The following IFT80 variants were observed in gnomAD, a reference collection of about 807,000 sequenced individuals.
The protein encoded by IFT80 is intraflagellar transport protein 80 homolog.
IFT80 carries 79 observed loss-of-function variants against 107.9 expected under a neutral mutation model. That is an observed-to-expected ratio of 0.73 (90% CI 0.61 to 0.88). The LOEUF is 0.88. Ranked by LOEUF, IFT80 falls within the 40% of genes least tolerant of loss-of-function variation. The probability of loss-of-function intolerance (pLI) is 0.00; values close to 1 mark genes in which losing one functional copy is unlikely to be tolerated. For missense variants in IFT80, 797 were observed against 914.2 expected, an observed-to-expected ratio of 0.87 and a Z score of 1.65; for synonymous variants, 299 against 300.9, an observed-to-expected ratio of 0.99 and a Z score of 0.07.
At chr3:160,295,150 C>A (rs1381785801) in intron 12 of IFT80, among the ~76,000 whole-genome samples, 1 of 152,094 alleles carries the variant, frequency 6.6e-6, no homozygotes, top group Non-Finnish European at 1.5e-5. Flanking sequence ...CAAGGAAATG[C>A]AAATCAAACC....
At chr3:160,268,739 C>G in intron 18 of IFT80, 1 of 549,340 alleles carries the variant, frequency 1.8e-6, no homozygotes, top group Non-Finnish European at 3.2e-6. Context: ...TTCTCCCTGA[C>G]CAGCTCTTCT....
chr3:160,352,273 C>T (rs760302143), intron 8 of IFT80, among the ~76,000 whole-genome samples: 1 of 152,128 alleles, frequency 6.6e-6, no homozygotes, highest in African/African-American at 2.4e-5. Flanking sequence ...GGATTACAGG[C>T]GTGAGCCACC....
At chr3:160,376,903 GCCGCCGCAT>G (rs1163380885) in intron 4 of IFT80, among the ~76,000 whole-genome samples, 8 of 152,158 alleles carry the variant, frequency 5.3e-5, no homozygotes, top group Non-Finnish European at 1.2e-4. Flanking sequence ...TCATATGACT[GCCGCCGCAT>G]CCAACAATTT....
At chr3:160,299,491 A>T (rs1559926448) in intron 12 of IFT80, among the ~76,000 whole-genome samples, 1 of 152,182 alleles carries the variant, frequency 6.6e-6, no homozygotes, top group Non-Finnish European at 1.5e-5. Flanking sequence ...ACAGAGAGAA[A>T]CAGTTATTTA....
At chr3:160,260,348 T>C (rs1276605141) in intron 19 of IFT80, among the ~76,000 whole-genome samples, 1 of 152,202 alleles carries the variant, frequency 6.6e-6, no homozygotes, top group Non-Finnish European at 1.5e-5. Context: ...AGCACTCATT[T>C]CTATGTCTAA....
At chr3:160,311,823 C>A (rs547367927) in intron 9 of IFT80, among the ~76,000 whole-genome samples, 2 of 152,276 alleles carry the variant, frequency 1.3e-5, no homozygotes, top group African/African-American at 2.4e-5. Context: ...GTCTCCTGGG[C>A]TGGAGTGCAA....
At chr3:160,262,666 T>C (rs543996394) in intron 19 of IFT80, among the ~76,000 whole-genome samples, 2 of 152,280 alleles carry the variant, frequency 1.3e-5, no homozygotes, top group African/African-American at 4.8e-5. Flanking sequence ...GAGTCGTCCC[T>C]GAGCTGACAA....
chr3:160,327,015 T>A (rs1718720218), intron 8 of IFT80, among the ~76,000 whole-genome samples: 1 of 152,038 alleles, frequency 6.6e-6, no homozygotes, highest in African/African-American at 2.4e-5. Context: ...ATCACTAGCA[T>A]TCCTATACAC....
intron 6 of IFT80, among the ~76,000 whole-genome samples, chr3:160,363,185 T>A (rs1721623273): frequency 6.6e-6 from 1 of 152,052 alleles, no homozygotes; most frequent in South Asian, 2.1e-4. Context: ...GGATACAAAA[T>A]CAGTATGCAA....
intron 5 of IFT80, among the ~76,000 whole-genome samples, chr3:160,366,691 G>A (rs1032069862): frequency 2.0e-5 from 3 of 151,886 alleles, no homozygotes; most frequent in African/African-American, 4.8e-5. Flanking sequence ...ATTTTTGTGG[G>A]TACACAGTAG....
rs138302079 is a variant in IFT80 at position 160,397,772 on chromosome 3, A to C, written c.-47+1374T>G. ...GTTTCGCTCTTGTTGCCCAGGCTGT[A>C]GTGCAACGGCACTATCTCGGCTCAC... is the stretch of plus-strand genomic sequence containing the variant. On this transcript the variant is annotated intron_variant, in intron 1 of 19. Coordinates refer to ENST00000326448, the MANE Select transcript of IFT80 (RefSeq NM_020800.3). Among the ~76,000 whole-genome samples, 111 of 120,738 alleles carry C rather than the reference A, an allele frequency of 9.2e-4. 1 individual carries two copies. The highest frequency in any genetic ancestry group is 2.9e-3 in the African/African-American group (90 of 30,590). The allele number at this position is 120,738 out of a possible 152,430, so 79.2% of individuals were successfully genotyped here.
intron 6 of IFT80, among the ~76,000 whole-genome samples, chr3:160,362,625 A>G (rs1721577239): frequency 6.6e-6 from 1 of 152,200 alleles, no homozygotes; most frequent in South Asian, 2.1e-4. Context: ...CCTCAAAAAA[A>G]GTACTGGCAA....
chr3:160,298,057 AAGGC>A (rs955187921), intron 12 of IFT80, among the ~76,000 whole-genome samples: 9 of 152,196 alleles, frequency 5.9e-5, no homozygotes, highest in African/African-American at 2.2e-4. Flanking sequence ...TAGGGAGAAG[AAGGC>A]AGGCAAAAAT....
At chr3:160,292,857 C>T (rs1490315818) in intron 12 of IFT80, among the ~76,000 whole-genome samples, 2 of 152,100 alleles carry the variant, frequency 1.3e-5, no homozygotes, top group African/African-American at 4.8e-5. Flanking sequence ...GTCCCAAGAC[C>T]AGGGCTACCA....
chr3:160,301,420 G>C (rs1391475960), intron 11 of IFT80, among the ~76,000 whole-genome samples: 1 of 151,796 alleles, frequency 6.6e-6, no homozygotes, highest in African/African-American at 2.4e-5. Context: ...AATGCCGGGT[G>C]CTATTTGTTT....
chr3:160,339,135 A>G (rs1456355194), intron 8 of IFT80, among the ~76,000 whole-genome samples: 1 of 152,196 alleles, frequency 6.6e-6, no homozygotes, highest in Non-Finnish European at 1.5e-5. Flanking sequence ...GGATATTTAC[A>G]TATGTAAAAA....
intron 8 of IFT80, among the ~76,000 whole-genome samples, chr3:160,336,176 G>C (rs1303198101): frequency 6.6e-6 from 1 of 152,090 alleles, no homozygotes; most frequent in Non-Finnish European, 1.5e-5. Context: ...TGGAATTGCT[G>C]GATCTATGGT....
At chr3:160,317,008 C>CT (rs563593530) in intron 9 of IFT80, among the ~76,000 whole-genome samples, 11 of 152,144 alleles carry the variant, frequency 7.2e-5, no homozygotes, top group Admixed American at 3.3e-4. Context: ...AATAAATTTC[C>CT]TTTTTTTCTC....
Position 160,332,469 on chromosome 3 carries a change from G to A in IFT80, c.778-12530C>T, listed in dbSNP as rs73154557. ...TTGAAGGGAGCACAAGGATAAGCACGGGAACTTGGGGATTACATTATTAGG... is the reference window on the plus strand; with the variant it reads ...TTGAAGGGAGCACAAGGATAAGCACAGGAACTTGGGGATTACATTATTAGG... On this transcript the variant is annotated intron_variant, in intron 8 of 19. Transcript: ENST00000326448. Among the ~76,000 whole-genome samples, 583 of 152,294 alleles carry A rather than the reference G, an allele frequency of 3.8e-3. 3 individuals are homozygous for A. The highest frequency in any genetic ancestry group is 0.024 in the Middle Eastern group (7 of 294).
Sources: allele counts gnomAD v4.1 joint callset (sites outside exome capture counted in the v4.1 genomes callset), GRCh38; gene constraint gnomAD v4.1.1; transcripts MANE v1.5; gene names NCBI Gene and HGNC (gene_info 2026-07-23, HGNC 2026-07-21).